The following GSE1 variants were observed in gnomAD, a reference collection of about 807,000 sequenced individuals.
GSE1 encodes Gse1 coiled-coil protein.
A neutral mutation model predicts 112.6 loss-of-function variants in GSE1; 32 were observed. The observed-to-expected ratio is 0.28, with a 90% CI of 0.21 to 0.38. The LOEUF (loss-of-function observed/expected upper bound fraction) is 0.38, where lower values mean the gene tolerates loss of function less well. Among genes scored for constraint, GSE1 ranks in the 10% least tolerant of loss-of-function variants. The probability of loss-of-function intolerance (pLI) is 1.00; values close to 1 mark genes in which losing one functional copy is unlikely to be tolerated. For synonymous variants in GSE1, 1,115 were observed against 735.6 expected (o/e 1.52, Z -8.35); for missense variants, 2,348 against 1,699.2 (o/e 1.38, Z -6.71).
chr16:85,358,052 G>C (rs2046988352), intron 2 of GSE1, among the ~76,000 whole-genome samples: 1 of 152,096 alleles, frequency 6.6e-6, no homozygotes, highest in Admixed American at 6.5e-5. Flanking sequence ...GCTTCTCTTG[G>C]GCTGGGCCAC....
chr16:85,524,107 T>C (rs1361850102), intron 2 of GSE1, among the ~76,000 whole-genome samples: 2 of 152,070 alleles, frequency 1.3e-5, no homozygotes, highest in Admixed American at 6.5e-5. Context: ...GGGGCCCAGG[T>C]CTGGGGGCCG....
intron 1 of GSE1, among the ~76,000 whole-genome samples, chr16:85,279,224 A>C (rs1268024553): frequency 6.6e-6 from 1 of 152,226 alleles, no homozygotes; most frequent in Non-Finnish European, 1.5e-5. Flanking sequence ...GGCCCCAGGG[A>C]GAAAGCGTAT....
intron 1 of GSE1, among the ~76,000 whole-genome samples, chr16:85,349,120 C>G (rs994873684): frequency 2.0e-5 from 3 of 152,198 alleles, no homozygotes; most frequent in African/African-American, 4.8e-5. Flanking sequence ...TATTCCATAT[C>G]TAATAACTTT....
intron 2 of GSE1, among the ~76,000 whole-genome samples, chr16:85,501,509 A>T (rs1344314037): frequency 6.6e-6 from 1 of 150,654 alleles, no homozygotes; most frequent in Non-Finnish European, 1.5e-5. Context: ...CTCCCGCCTC[A>T]GCCTCCTAAA....
intron 2 of GSE1, among the ~76,000 whole-genome samples, chr16:85,495,891 C>T (rs2051160141): frequency 6.6e-6 from 1 of 152,144 alleles, no homozygotes; most frequent in African/African-American, 2.4e-5. Context: ...TTGAGGCCTG[C>T]CAGAGCAGCT....
At chr16:85,308,282 C>T (rs1374883177) in intron 1 of GSE1, among the ~76,000 whole-genome samples, 1 of 151,970 alleles carries the variant, frequency 6.6e-6, no homozygotes, top group Non-Finnish European at 1.5e-5. Flanking sequence ...ATGACTACTC[C>T]CACCATTCTG....
chr16:85,632,329 G>A (rs541503150), intron 1 of GSE1, among the ~76,000 whole-genome samples: 20 of 152,046 alleles, frequency 1.3e-4, no homozygotes, highest in African/African-American at 4.1e-4. Flanking sequence ...CCCCGAACTC[G>A]TTCCCGCCTC....
chr16:85,658,775 C>A (rs753645301), intron 8 of GSE1, among the ~76,000 whole-genome samples: 7 of 151,986 alleles, frequency 4.6e-5, no homozygotes, highest in African/African-American at 1.7e-4. Flanking sequence ...GGCCTGATAA[C>A]ATCAGGGTGC....
At chr16:85,659,682 TA>T (rs2052272996) in intron 8 of GSE1, 1 of 152,188 alleles carries the variant, frequency 6.6e-6, no homozygotes, top group Admixed American at 6.5e-5. Context: ...CTCTTAAAAA[TA>T]AGCTGGAAAA....
chr16:85,319,802 C>G (rs761714978), intron 1 of GSE1, among the ~76,000 whole-genome samples: 7 of 152,220 alleles, frequency 4.6e-5, no homozygotes, highest in Non-Finnish European at 1.0e-4. Flanking sequence ...TCTTTGAAGG[C>G]CTTCTCACAA....
chr16:85,556,543 C>T (rs1452634476), intron 1 of GSE1, among the ~76,000 whole-genome samples: 1 of 151,406 alleles, frequency 6.6e-6, no homozygotes, highest in Non-Finnish European at 1.5e-5. Context: ...GCGGTGTGCG[C>T]GGCTACGTGC....
chr16:85,576,792 G>A (rs149196516), intron 1 of GSE1, among the ~76,000 whole-genome samples: 14 of 152,294 alleles, frequency 9.2e-5, no homozygotes, highest in East Asian at 1.9e-4. Flanking sequence ...ATGCCCTGGT[G>A]TGTCCTTGGG....
At chr16:85,196,018 A>G (rs972096279) in intron 1 of GSE1, among the ~76,000 whole-genome samples, 11 of 152,254 alleles carry the variant, frequency 7.2e-5, no homozygotes, top group African/African-American at 2.6e-4. Context: ...CGGGGGCAGC[A>G]CCCGATAACC....
chr16:85,202,148 G>A (rs56370050), intron 1 of GSE1, among the ~76,000 whole-genome samples: 53,078 of 152,108 alleles, frequency 0.35, 9,708 homozygotes, highest in Middle Eastern at 0.42. Flanking sequence ...GGGCCCGGGC[G>A]GCCTGTGATG....
intron 1 of GSE1, among the ~76,000 whole-genome samples, chr16:85,201,954 A>G (rs71386900): frequency 0.033 from 5,014 of 152,358 alleles, 150 homozygotes; most frequent in East Asian, 0.13. Context: ...TTTAGTTGCC[A>G]TCTGTGGATG....
chr16:85,638,497 C>A (rs1437274358), intron 2 of GSE1, among the ~76,000 whole-genome samples: 1 of 152,176 alleles, frequency 6.6e-6, no homozygotes, highest in Non-Finnish European at 1.5e-5. Flanking sequence ...GCTGTGTGAT[C>A]CGGGCAGGCC....
intron 1 of GSE1, among the ~76,000 whole-genome samples, chr16:85,564,578 A>G (rs752137674): frequency 6.6e-6 from 1 of 152,192 alleles, no homozygotes; most frequent in Non-Finnish European, 1.5e-5. Flanking sequence ...GGAAACCCAC[A>G]TTCCTCACCA....
Position 85,672,395 on chromosome 16 carries a change from C to T in GSE1, c.3520-10C>T, listed in dbSNP as rs1481888522. The stretch of plus-strand genomic sequence containing the variant: ...CGGGTTGGTTTTGACACAAATTTCC[C>T]TCTCTCCAGGAGTTGAGGAGCCAGA... On this transcript the variant is annotated splice_polypyrimidine_tract_variant and intron_variant, in intron 15 of 15. Transcript: ENST00000253458. The T allele has an allele frequency of 3.1e-6, 5 of 1,606,256 alleles. No homozygotes were observed. The highest frequency in any genetic ancestry group is 2.2e-5 in the East Asian group (1 of 44,664).
intron 1 of GSE1, among the ~76,000 whole-genome samples, chr16:85,174,902 C>T (rs546608753): frequency 1.2e-4 from 18 of 152,266 alleles, no homozygotes; most frequent in African/African-American, 3.6e-4. Context: ...TTGATCCTCA[C>T]GTGCATCTTC....
Sources: gnomAD v4.1 joint callset for allele counts (sites outside exome capture counted in the v4.1 genomes callset) on GRCh38, gnomAD v4.1.1 for gene constraint, MANE v1.5 for transcripts, NCBI Gene and HGNC (gene_info 2026-07-23, HGNC 2026-07-21) for gene names.